The following FAM227B variants were observed in gnomAD, a reference collection of about 807,000 sequenced individuals.
The protein encoded by FAM227B is protein FAM227B.
In FAM227B, 88 loss-of-function variants were observed where a neutral mutation model predicts 73.8. The observed-to-expected ratio is 1.19, with a 90% CI of 1.00 to 1.42. The LOEUF (loss-of-function observed/expected upper bound fraction) is 1.42, where lower values mean the gene tolerates loss of function less well. Among genes scored for constraint, FAM227B ranks in the 40% most tolerant of loss-of-function variants. The pLI is 0.00. For missense variants in FAM227B, 632 were observed against 590.9 expected (o/e 1.07, Z -0.72); for synonymous variants, 210 against 190.5 (o/e 1.10, Z -0.84).
chr15:49,410,149 C>A (rs1343890383), intron 11 of FAM227B, among the ~76,000 whole-genome samples: 2 of 152,140 alleles, frequency 1.3e-5, no homozygotes, highest in African/African-American at 4.8e-5. Context: ...TTTTTTGCAT[C>A]CACTCTCCAG....
intron 12 of FAM227B, 83 bp downstream of exon 12, chr15:49,371,219 T>G (rs2045781386): frequency 1.5e-6 from 1 of 675,994 alleles, no homozygotes; most frequent in African/African-American, 1.9e-5. Flanking sequence ...TAACCAGCAT[T>G]GCCTATGTAC....
At chr15:49,354,785 C>A (rs1469563923) in intron 13 of FAM227B, among the ~76,000 whole-genome samples, 2 of 151,986 alleles carry the variant, frequency 1.3e-5, no homozygotes, top group Admixed American at 6.6e-5. Context: ...CCTCTGGGGG[C>A]AGGGCACAGA....
intron 9 of FAM227B, among the ~76,000 whole-genome samples, chr15:49,546,012 G>A (rs2071808377): frequency 6.6e-6 from 1 of 150,976 alleles, no homozygotes; most frequent in South Asian, 2.1e-4. Flanking sequence ...CAACGTGCAG[G>A]TTTGTTACAT....
At chr15:49,470,653 C>T (rs2054656860) in intron 11 of FAM227B, among the ~76,000 whole-genome samples, 1 of 152,028 alleles carries the variant, frequency 6.6e-6, no homozygotes, top group Non-Finnish European at 1.5e-5. Context: ...TCCATTGGGC[C>T]TGGAAGTTGA....
At chr15:49,455,721 T>C (rs1160838982) in intron 11 of FAM227B, among the ~76,000 whole-genome samples, 1 of 152,220 alleles carries the variant, frequency 6.6e-6, no homozygotes, top group East Asian at 1.9e-4. Context: ...ATCAAATGTA[T>C]GCTATTTTCT....
Position 49,591,484 on chromosome 15 carries a change from CTTTTTTTTTTTTT to C in FAM227B, c.106-1490_106-1478del, listed in dbSNP as rs71120696. Among the ~76,000 whole-genome samples the C allele has an allele frequency of 7.2e-5, 4 of 55,348 alleles. No individual in the cohort carries two copies. In the East Asian group the frequency reaches 1.8e-3, roughly 25 times the overall value. 36.3% of individuals were successfully genotyped at this position (55,348 alleles called of 152,430 possible). On this transcript the variant is annotated intron_variant, in intron 3 of 15. Coordinates refer to ENST00000299338, the MANE Select transcript of FAM227B (RefSeq NM_152647.3). ...AGCCACTGCACCTGGCCCTTCCTTC[CTTTTTTTTTTTTT>C]TTTTTTTTTTTGGAGTCTTGCTCTG...
At chr15:49,585,039 C>G (rs1309970625) in intron 5 of FAM227B, among the ~76,000 whole-genome samples, 1 of 152,118 alleles carries the variant, frequency 6.6e-6, no homozygotes, top group Non-Finnish European at 1.5e-5. Context: ...AGGATATGAA[C>G]AGACACTTCT....
chr15:49,508,453 CA>C (rs1200124795), intron 10 of FAM227B, 105 bp from the exon 11 acceptor site: 2 of 1,039,934 alleles, frequency 1.9e-6, no homozygotes, highest in Non-Finnish European at 2.7e-6. Flanking sequence ...ATCCTCACAA[CA>C]AAAAAGTTCC....
chr15:49,583,537 G>A (rs1320426474), intron 5 of FAM227B, among the ~76,000 whole-genome samples: 1 of 151,762 alleles, frequency 6.6e-6, no homozygotes, highest in Admixed American at 6.6e-5. Context: ...CCGTTGTTTA[G>A]CATATCATCA....
At chr15:49,570,313 C>G (rs552461424) in intron 8 of FAM227B, among the ~76,000 whole-genome samples, 2 of 151,886 alleles carry the variant, frequency 1.3e-5, no homozygotes, top group South Asian at 4.2e-4. Context: ...TTTTTGATAA[C>G]AGTCATGTGA....
rs1179845178 is a variant in FAM227B, at chr15:49,390,944, C to G, written c.1013-19545G>C. Among the ~76,000 whole-genome samples the G allele has an allele frequency of 2.0e-5, 3 of 151,954 alleles. No homozygotes were observed. The East Asian group carries it at 5.8e-4, about 29-fold the overall frequency. On this transcript the variant is annotated intron_variant, in intron 11 of 15. Coordinates refer to ENST00000299338, the MANE Select transcript of FAM227B (RefSeq NM_152647.3). ...AACCTGGTATCTCCATTGGAAAGAA[C>G]TGTCCTTAGGAAGACCATGGGATGA...
chr15:49,558,141 G>A (rs928644022), intron 9 of FAM227B, among the ~76,000 whole-genome samples: 1 of 151,710 alleles, frequency 6.6e-6, no homozygotes, highest in Admixed American at 6.6e-5. Context: ...AACTTTGCCT[G>A]AATACTGTGG....
intron 10 of FAM227B, among the ~76,000 whole-genome samples, chr15:49,516,577 A>C (rs967268611): frequency 3.3e-5 from 5 of 152,104 alleles, no homozygotes; most frequent in African/African-American, 1.2e-4. Context: ...AATCCTAGGC[A>C]GAAGCCATAA....
intron 5 of FAM227B, 58 bp downstream of exon 5, chr15:49,587,958 G>A (rs2076271928): frequency 7.5e-7 from 1 of 1,329,614 alleles, no homozygotes; most frequent in East Asian, 2.8e-5. Context: ...GAAATGTAGT[G>A]TTTATATTTT....
intron 11 of FAM227B, among the ~76,000 whole-genome samples, chr15:49,446,873 A>G (rs1000258154): frequency 3.3e-5 from 5 of 151,552 alleles, no homozygotes; most frequent in African/African-American, 1.2e-4. Context: ...AGAAGTGAGG[A>G]AGGAGTGCTC....
chr15:49,516,066 T>C (rs2059356456), intron 10 of FAM227B, among the ~76,000 whole-genome samples: 1 of 152,164 alleles, frequency 6.6e-6, no homozygotes, highest in African/African-American at 2.4e-5. Flanking sequence ...TCTGCTTCTT[T>C]CTTGTAGGTA....
At chr15:49,584,851 T>G (rs542105768) in intron 5 of FAM227B, among the ~76,000 whole-genome samples, 1 of 152,076 alleles carries the variant, frequency 6.6e-6, no homozygotes, top group Non-Finnish European at 1.5e-5. Flanking sequence ...CGGATCTAAT[T>G]AAACTAAAGA....
intron 5 of FAM227B, among the ~76,000 whole-genome samples, chr15:49,586,671 G>T (rs897768006): frequency 2.0e-5 from 3 of 151,406 alleles, no homozygotes; most frequent in African/African-American, 7.2e-5. Context: ...AACTCACACG[G>T]AACTTAATAA....
chr15:49,597,092 G>A (rs2153291163), intron 3 of FAM227B, among the ~76,000 whole-genome samples: 1 of 152,004 alleles, frequency 6.6e-6, no homozygotes, highest in African/African-American at 2.4e-5. Flanking sequence ...AAGAAATTAT[G>A]GACTTAAACT....
Sources: gnomAD v4.1 joint callset for allele counts (sites outside exome capture counted in the v4.1 genomes callset) on GRCh38, gnomAD v4.1.1 for gene constraint, MANE v1.5 for transcripts, NCBI Gene and HGNC (gene_info 2026-07-23, HGNC 2026-07-21) for gene names.